Variants in CNBD1 observed in about 807,000 individuals in gnomAD.
CNBD1 encodes cyclic nucleotide-binding domain-containing protein 1.
Under a neutral mutation model 54.4 loss-of-function variants are expected in CNBD1, and 71 were observed. The observed-to-expected ratio is 1.30, with a 90% confidence interval of 1.08 to 1.59. The LOEUF (loss-of-function observed/expected upper bound fraction) is 1.59. Among genes scored for constraint, CNBD1 ranks in the 40% most tolerant of loss-of-function variants. The probability of loss-of-function intolerance (pLI) is 0.00; values close to 1 mark genes in which losing one functional copy is unlikely to be tolerated. For synonymous variants in CNBD1, 182 were observed against 170.7 expected, an observed-to-expected ratio of 1.07 and a Z score of -0.51; for missense variants, 659 against 518.0, an observed-to-expected ratio of 1.27 and a Z score of -2.64.
At chr8:86,905,883 G>T (rs761914680) in intron 3 of CNBD1, among the ~76,000 whole-genome samples, 1 of 152,088 alleles carries the variant, frequency 6.6e-6, no homozygotes, top group Non-Finnish European at 1.5e-5. Flanking sequence ...TGTCTTTGTT[G>T]TTCCTTAAGT....
intron 6 of CNBD1, among the ~76,000 whole-genome samples, chr8:87,266,616 A>T (rs1246644839): frequency 6.6e-6 from 1 of 151,112 alleles, no homozygotes; most frequent in Non-Finnish European, 1.5e-5. Context: ...CACCCCGGCT[A>T]ATTTTGTATT....
At chr8:87,262,396 T>C (rs930782415) in intron 6 of CNBD1, among the ~76,000 whole-genome samples, 1 of 152,254 alleles carries the variant, frequency 6.6e-6, no homozygotes. Flanking sequence ...AGTTAGCTGG[T>C]GAATTGTTTT....
At chr8:87,113,200 TC>T (rs749177862) in intron 4 of CNBD1, among the ~76,000 whole-genome samples, 4 of 152,134 alleles carry the variant, frequency 2.6e-5, no homozygotes, top group Non-Finnish European at 5.9e-5. Flanking sequence ...AGAGAAGAGT[TC>T]CAGTGTGAGC....
Position 87,264,128 on chromosome 8 carries a change from T to C in CNBD1, c.772-20550T>C, listed in dbSNP as rs896029866. 9.2e-5 allele frequency among the ~76,000 whole-genome samples: 14 copies of C among 152,192 alleles called. No individual in the cohort carries two copies. In the East Asian group the frequency reaches 2.7e-3, roughly 29 times the overall value. On this transcript the variant is annotated intron_variant, in intron 6 of 10. Transcript: ENST00000518476. ...CGTCATTTAACATTAGGTATATCTC[T>C]TAATGCTATCCCTCCCCTCTCCCCC...
At chr8:86,997,559 A>T (rs1007902790) in intron 4 of CNBD1, among the ~76,000 whole-genome samples, 1 of 152,178 alleles carries the variant, frequency 6.6e-6, no homozygotes, top group African/African-American at 2.4e-5. Context: ...ATCACCTCTG[A>T]GGCTGTTTAC....
Position 87,239,137 on chromosome 8 carries a change from A to G in CNBD1, c.771+2025A>G, listed in dbSNP as rs143571814. Reference sequence around the variant, plus strand: ...TAAATCCAGTATTTTTTCTAGTTTAATAAAATTTTTTGAAAAAATGAAAAG... The same window carrying G: ...TAAATCCAGTATTTTTTCTAGTTTAGTAAAATTTTTTGAAAAAATGAAAAG... On this transcript the variant is annotated intron_variant, in intron 6 of 10. Transcript: ENST00000518476. Among the ~76,000 whole-genome samples the G allele has an allele frequency of 2.3e-3, 347 of 152,310 alleles. 2 individuals carry two copies. Among genetic ancestry groups the G allele is most frequent in the South Asian group, 9.5e-3 (46 of 4,830 alleles).
chr8:87,145,648 T>C (rs143198189), intron 4 of CNBD1, among the ~76,000 whole-genome samples: 183 of 152,302 alleles, frequency 1.2e-3, no homozygotes, highest in African/African-American at 4.2e-3. Context: ...ATTTCAAGTG[T>C]TGGAAAATCC....
intron 5 of CNBD1, among the ~76,000 whole-genome samples, chr8:87,220,216 A>G (rs1318958735): frequency 2.6e-5 from 4 of 152,022 alleles, no homozygotes; most frequent in Admixed American, 6.6e-5. Flanking sequence ...TATGAATATG[A>G]TGAATTCTCA....
intron 8 of CNBD1, among the ~76,000 whole-genome samples, chr8:87,347,677 G>T (rs1303701101): frequency 6.6e-6 from 1 of 152,138 alleles, no homozygotes; most frequent in South Asian, 2.1e-4. Flanking sequence ...TAAATGTATG[G>T]TTTAATTGGT....
intron 4 of CNBD1, among the ~76,000 whole-genome samples, chr8:87,062,594 G>T (rs1439146551): frequency 6.6e-6 from 1 of 152,000 alleles, no homozygotes; most frequent in Non-Finnish European, 1.5e-5. Context: ...AAAATCAGCT[G>T]GGCATGGTGG....
At chr8:87,425,857 C>G (rs978360815) in intron 2 of CNBD1, among the ~76,000 whole-genome samples, 2 of 152,172 alleles carry the variant, frequency 1.3e-5, no homozygotes, top group East Asian at 1.9e-4. Context: ...CCAGTTCGAG[C>G]TTCCCAGCTG....
intron 4 of CNBD1, among the ~76,000 whole-genome samples, chr8:87,192,752 A>G (rs891297636): frequency 1.3e-5 from 2 of 152,176 alleles, no homozygotes; most frequent in African/African-American, 4.8e-5. Context: ...GTATGTGTAG[A>G]GTAAGAAGAA....
At chr8:87,273,818 A>G (rs987937184) in intron 6 of CNBD1, among the ~76,000 whole-genome samples, 6 of 152,006 alleles carry the variant, frequency 3.9e-5, no homozygotes, top group South Asian at 2.1e-4. Flanking sequence ...CATGTGCACA[A>G]TGTGCAGGTT....
intron 6 of CNBD1, among the ~76,000 whole-genome samples, chr8:87,269,000 G>A (rs796385937): frequency 3.9e-5 from 6 of 152,130 alleles, no homozygotes; most frequent in African/African-American, 9.6e-5. Context: ...ATTTGCCATG[G>A]CTGATATCCA....
chr8:87,124,997 AT>A (rs1377787512), intron 4 of CNBD1, among the ~76,000 whole-genome samples: 1 of 151,800 alleles, frequency 6.6e-6, no homozygotes, highest in East Asian at 1.9e-4. Context: ...GTGTTTGTAT[AT>A]ACTAATAACA....
chr8:87,410,084 C>T (rs529277627), intron 2 of CNBD1, among the ~76,000 whole-genome samples: 2 of 152,028 alleles, frequency 1.3e-5, no homozygotes, highest in African/African-American at 4.8e-5. Context: ...AACATAAAAG[C>T]CTGGATGACA....
intron 4 of CNBD1, among the ~76,000 whole-genome samples, chr8:87,084,205 A>G (rs1563462030): frequency 6.6e-6 from 1 of 152,236 alleles, no homozygotes; most frequent in Non-Finnish European, 1.5e-5. Flanking sequence ...TGCTTTAAAC[A>G]GTAGTGTCTT....
At chr8:87,309,951 C>G (rs1459635035) in intron 8 of CNBD1, among the ~76,000 whole-genome samples, 1 of 152,120 alleles carries the variant, frequency 6.6e-6, no homozygotes, top group Non-Finnish European at 1.5e-5. Context: ...AAAACTTTGC[C>G]ACCAGTCCCT....
intron 6 of CNBD1, among the ~76,000 whole-genome samples, chr8:87,270,473 C>A (rs952405582): frequency 6.6e-6 from 1 of 151,660 alleles, no homozygotes; most frequent in Non-Finnish European, 1.5e-5. Flanking sequence ...CAGATTCTGG[C>A]AAGATTGTGA....
Sources: gnomAD v4.1 joint callset for allele counts (sites outside exome capture counted in the v4.1 genomes callset) on GRCh38, gnomAD v4.1.1 for gene constraint, MANE v1.5 for transcripts, NCBI Gene and HGNC (gene_info 2026-07-23, HGNC 2026-07-21) for gene names.